LMNB2: variants seen among roughly 807,000 people sequenced by gnomAD.
The protein encoded by LMNB2 is lamin-B2.
Under a neutral mutation model 69.3 loss-of-function variants are expected in LMNB2, and 17 were observed. The ratio of observed to expected loss-of-function variants is 0.25; its 90% CI spans 0.17 to 0.37. The LOEUF (loss-of-function observed/expected upper bound fraction) is 0.37, where lower values mean the gene tolerates loss of function less well. Ranked by LOEUF, LMNB2 falls within the 10% of genes least tolerant of loss-of-function variation. The pLI is 1.00. For synonymous variants in LMNB2, 397 were observed against 389.3 expected (o/e 1.02, Z -0.23); for missense variants, 789 against 883.6 (o/e 0.89, Z 1.36).
intron 1 of LMNB2, among the ~76,000 whole-genome samples, chr19:2,446,227 C>A (rs1971954192): frequency 6.6e-6 from 1 of 150,430 alleles, no homozygotes; most frequent in Admixed American, 6.7e-5. Flanking sequence ...CAGCGGCCCC[C>A]ACCTTTCCCG....
In LMNB2 at chr19:2,456,781, G is replaced by C; in HGVS notation, c.153C>G (p.Arg51=). ...LSRLQEKEEL[R]ELNDRLAHYI... Reference sequence around the variant, plus strand: ...AGTGCGCCAGGCGGTCGTTGAGCTCGCGCAGCTCCTCCTTCTCCTGCAGCC... The same window carrying C: ...AGTGCGCCAGGCGGTCGTTGAGCTCCCGCAGCTCCTCCTTCTCCTGCAGCC... Residue 51 remains arginine (R), a synonymous_variant, in exon 1 of 12, where the codon CGC becomes CGG. Transcript: ENST00000325327. 1 of 1,538,332 alleles carries C rather than the reference G, an allele frequency of 6.5e-7. No individual in the cohort carries two copies. Among genetic ancestry groups the C allele is most frequent in the East Asian group, 2.7e-5 (1 of 37,134 alleles).
intron 2 of LMNB2, among the ~76,000 whole-genome samples, chr19:2,442,511 G>C (rs936587911): frequency 1.3e-5 from 2 of 152,192 alleles, no homozygotes; most frequent in African/African-American, 4.8e-5. Flanking sequence ...GGATGTTGCA[G>C]TGAGCCGAGA....
At chr19:2,442,119 G>T (rs1971906395) in intron 2 of LMNB2, among the ~76,000 whole-genome samples, 1 of 152,150 alleles carries the variant, frequency 6.6e-6, no homozygotes, top group African/African-American at 2.4e-5. Flanking sequence ...GCTGCTCCCA[G>T]TGTTTCTCTC....
At chr19:2,431,440 A>G (rs1209843891) in intron 11 of LMNB2, 108 bp downstream of exon 11, 1 of 1,431,220 alleles carries the variant, frequency 7.0e-7, no homozygotes, top group Non-Finnish European at 9.8e-7. Flanking sequence ...CGGCAGCCAG[A>G]TGGAGCTCCC....
chr19:2,440,192 CTTT>C (rs796887570), intron 2 of LMNB2, among the ~76,000 whole-genome samples: 4 of 140,060 alleles, frequency 2.9e-5, no homozygotes, highest in Non-Finnish European at 3.1e-5. Context: ...ATGGCTGTAT[CTTT>C]TTTTTTTTTT....
rs1172051338 is a variant in LMNB2, at chr19:2,429,031, C to T, written c.*1880G>A. 6.6e-6 allele frequency: 1 copy of T among 152,176 alleles called. No individual in the cohort carries two copies. The highest frequency in any genetic ancestry group is 2.4e-5 in the African/African-American group (1 of 41,406). The allele number at this position is 152,176 out of a possible 1,614,324, so 9.4% of individuals were successfully genotyped here. ...CTGCGGGTTTTGGGGGGGACTTTGT[C>T]CCTGAGCCCAGCCTGCAAGGCTGTC... is the stretch of plus-strand genomic sequence containing the variant. On this transcript the variant is annotated 3_prime_UTR_variant, in exon 12 of 12. Transcript: ENST00000325327.
chr19:2,456,907 A>G lies in LMNB2; in HGVS notation c.27T>C (p.Arg9=), dbSNP rs1365379023. The part of the protein sequence containing the change: MSPPSPGR[R]REQRRPRAAA... ...CGGCTCGCGGCCTGCGCTGCTCCCG[A>G]CGGCGGCCCGGGCTCGGCGGGCTCA... Residue 9 remains arginine (R), a synonymous_variant, in exon 1 of 12, where the codon CGT becomes CGC. Coordinates refer to ENST00000325327, the MANE Select transcript of LMNB2 (RefSeq NM_032737.4). 9.0e-6 allele frequency: 9 copies of G among 1,004,164 alleles called. No individual in the cohort carries two copies. Among genetic ancestry groups the G allele is most frequent in the Non-Finnish European group, 1.1e-5 (9 of 845,486 alleles). 62.2% of individuals were successfully genotyped at this position (1,004,164 alleles called of 1,614,324 possible). A position where few individuals can be genotyped will look rare whatever the true frequency, so the allele number is the denominator to read the frequency against.
At chr19:2,444,271 G>C in intron 2 of LMNB2, 133 bp downstream of exon 2, 4 of 1,040,576 alleles carry the variant, frequency 3.8e-6, no homozygotes, top group Non-Finnish European at 5.8e-6. Context: ...GTGGGGGAGA[G>C]AGGATGGGAG....
At chr19:2,454,457 T>C (rs1397239908) in intron 1 of LMNB2, among the ~76,000 whole-genome samples, 1 of 152,008 alleles carries the variant, frequency 6.6e-6, no homozygotes, top group African/African-American at 2.4e-5. Context: ...TAACCTGCTG[T>C]GGCCCCACAC....
At chr19:2,437,864 T>C (rs1971846515) in intron 4 of LMNB2, among the ~76,000 whole-genome samples, 1 of 151,474 alleles carries the variant, frequency 6.6e-6, no homozygotes, top group African/African-American at 2.4e-5. Flanking sequence ...GGAAATGGGG[T>C]CTCTGCAGAT....
intron 1 of LMNB2, among the ~76,000 whole-genome samples, chr19:2,456,066 C>T (rs1972084396): frequency 6.6e-6 from 1 of 151,124 alleles, no homozygotes; most frequent in African/African-American, 2.4e-5. Context: ...CCCTGGAGAC[C>T]CCAAGCCGGG....
chr19:2,448,520 G>A (rs887557188), intron 1 of LMNB2, among the ~76,000 whole-genome samples: 1 of 152,226 alleles, frequency 6.6e-6, no homozygotes, highest in African/African-American at 2.4e-5. Context: ...GGCATGCTGA[G>A]CACCCCCAGA....
intron 1 of LMNB2, among the ~76,000 whole-genome samples, chr19:2,445,085 A>G (rs964521284): frequency 2.0e-5 from 3 of 152,088 alleles, no homozygotes; most frequent in Non-Finnish European, 1.5e-5. Flanking sequence ...GGCACCATGG[A>G]CACTGGGCTG....
chr19:2,437,973 G>A (rs919073437), intron 4 of LMNB2, among the ~76,000 whole-genome samples, 190 bp downstream of exon 4: 7 of 152,162 alleles, frequency 4.6e-5, no homozygotes, highest in Non-Finnish European at 8.8e-5. Context: ...GGCAGCCGCG[G>A]GAAGACAGAG....
chr19:2,430,243 C>G lies in LMNB2; in HGVS notation c.*668G>C, dbSNP rs1252482635. 2 of 171,076 alleles carry G rather than the reference C, an allele frequency of 1.2e-5. No homozygotes were observed. The highest frequency in any genetic ancestry group is 5.4e-5 in the Admixed American group (1 of 18,416). 10.6% of individuals were successfully genotyped at this position (171,076 alleles called of 1,614,324 possible). A position where few individuals can be genotyped will look rare whatever the true frequency, so the allele number is the denominator to read the frequency against. On this transcript the variant is annotated 3_prime_UTR_variant, in exon 12 of 12. Coordinates refer to ENST00000325327, the MANE Select transcript of LMNB2 (RefSeq NM_032737.4). Reference sequence around the variant, plus strand: ...CCCTGCCCTGTTGGCCTTGCACAGTCAGGAACTGAACTGCGGGAAAACTCC... The same window carrying G: ...CCCTGCCCTGTTGGCCTTGCACAGTGAGGAACTGAACTGCGGGAAAACTCC...
intron 2 of LMNB2, among the ~76,000 whole-genome samples, chr19:2,442,645 G>A (rs1971911188): frequency 6.6e-6 from 1 of 152,130 alleles, no homozygotes. Context: ...TACTCGGGGT[G>A]GGGCTGAGGC....
intron 1 of LMNB2, among the ~76,000 whole-genome samples, chr19:2,449,467 A>G (rs1189760546): frequency 3.3e-5 from 5 of 152,222 alleles, no homozygotes; most frequent in Non-Finnish European, 5.9e-5. Context: ...GATTTTTTGA[A>G]TTAATTGATT....
Position 2,431,539 on chromosome 19 carries a change from G to T in LMNB2, c.1821+9C>A, listed in dbSNP as rs756963946. ...GCCCCCCAGCCGCAAGTGGGCACAGGGGTCCTACCTGTTGGTGGAAAAGAT... is the reference window on the plus strand; with the variant it reads ...GCCCCCCAGCCGCAAGTGGGCACAGTGGTCCTACCTGTTGGTGGAAAAGAT... On this transcript the variant is annotated intron_variant, in intron 11 of 11. Transcript: ENST00000325327. The T allele has an allele frequency of 1.2e-6, 2 of 1,614,042 alleles. No homozygotes were observed. The highest frequency in any genetic ancestry group is 3.3e-5 in the Admixed American group (2 of 60,024).
chr19:2,449,298 C>A (rs936823458), intron 1 of LMNB2, among the ~76,000 whole-genome samples: 1 of 152,210 alleles, frequency 6.6e-6, no homozygotes, highest in Non-Finnish European at 1.5e-5. Context: ...TAGGAGGCCA[C>A]GCCCAAGCCT....
Sources: allele counts gnomAD v4.1 joint callset (sites outside exome capture counted in the v4.1 genomes callset), GRCh38; gene constraint gnomAD v4.1.1; transcripts MANE v1.5; gene names NCBI Gene and HGNC (gene_info 2026-07-23, HGNC 2026-07-21).